Variants in C1QTNF4 observed in about 807,000 individuals in gnomAD.
C1QTNF4 encodes complement C1q tumor necrosis factor-related protein 4.
A neutral mutation model predicts 14.6 loss-of-function variants in C1QTNF4; 12 were observed. The observed-to-expected ratio is 0.82, with a 90% CI of 0.53 to 1.33. The LOEUF is 1.33. Among genes scored for constraint, C1QTNF4 ranks in the 40% most tolerant of loss-of-function variants. The pLI is 0.00. For missense variants in C1QTNF4, 558 were observed against 500.3 expected, an observed-to-expected ratio of 1.12 and a Z score of -1.10; for synonymous variants, 278 against 246.6, an observed-to-expected ratio of 1.13 and a Z score of -1.19.
intron 1 of C1QTNF4, among the ~76,000 whole-genome samples, chr11:47,591,081 T>A (rs2097275384): frequency 6.6e-6 from 1 of 152,134 alleles, no homozygotes; most frequent in Non-Finnish European, 1.5e-5. Flanking sequence ...ATTTCTTTGT[T>A]TTGTTTGTTT....
chr11:47,592,088 A>G (rs1318438274), intron 1 of C1QTNF4, among the ~76,000 whole-genome samples: 1 of 152,198 alleles, frequency 6.6e-6, no homozygotes, highest in Non-Finnish European at 1.5e-5. Flanking sequence ...AAATCAGAGT[A>G]AAAGAGAAGG....
chr11:47,590,511 C>T lies in C1QTNF4; in HGVS notation c.300G>A (p.Glu100=). Residue 100 remains glutamate (E), a synonymous_variant, in exon 2 of 2, where the codon GAG becomes GAA. Coordinates refer to ENST00000302514, the MANE Select transcript of C1QTNF4 (RefSeq NM_031909.3). ...GCTCGTCGAAGGCCAGCGCCTGCAC[C>T]TCGTCGCGGTTTCGCACCAGCATCA... ...LSVMLVRNRD[E]VQALAFDEQR... is the part of the protein sequence containing the mutation. The T allele has an allele frequency of 1.3e-6, 2 of 1,573,250 alleles. No individual in the cohort carries two copies. Among genetic ancestry groups the T allele is most frequent in the South Asian group, 1.2e-5 (1 of 86,182 alleles).
Position 47,589,670 on chromosome 11 carries a change from G to T in C1QTNF4, c.*151C>A. On this transcript the variant is annotated 3_prime_UTR_variant, in exon 2 of 2. Coordinates refer to ENST00000302514, the MANE Select transcript of C1QTNF4 (RefSeq NM_031909.3). ...CAGTCAAGACAGCGCAGGGGCCTGG[G>T]CTGCCGGGCGCTGCGCGTGCCCGCT... 1.4e-6 allele frequency: 1 copy of T among 719,472 alleles called. No homozygotes were observed. Among genetic ancestry groups the T allele is most frequent in the Non-Finnish European group, 2.1e-6 (1 of 477,362 alleles). The allele number at this position is 719,472 out of a possible 1,614,324, so 44.6% of individuals were successfully genotyped here.
intron 1 of C1QTNF4, among the ~76,000 whole-genome samples, chr11:47,591,166 C>A (rs539475569): frequency 6.6e-6 from 1 of 152,262 alleles, no homozygotes; most frequent in East Asian, 1.9e-4. Flanking sequence ...GCAACCTCCA[C>A]CTCCCGGGTT....
intron 1 of C1QTNF4, 49 bp downstream of exon 1, chr11:47,594,099 C>A (rs1389257852): frequency 6.6e-6 from 1 of 152,206 alleles, no homozygotes; most frequent in Non-Finnish European, 1.5e-5. Flanking sequence ...GCCCTCGCTT[C>A]CAGTAAAGGG....
intron 1 of C1QTNF4, among the ~76,000 whole-genome samples, chr11:47,591,549 C>G (rs1209855751): frequency 6.6e-6 from 1 of 151,896 alleles, no homozygotes; most frequent in Non-Finnish European, 1.5e-5. Context: ...CCCAGCACAC[C>G]CAGCTAATTT....
In C1QTNF4 at chr11:47,590,352, G is replaced by C; in HGVS notation, c.459C>G (p.Gly153=). The C allele has an allele frequency of 7.3e-7, 1 of 1,364,830 alleles. No individual in the cohort carries two copies. The highest frequency in any genetic ancestry group is 9.4e-7 in the Non-Finnish European group (1 of 1,066,918). The allele number at this position is 1,364,830 out of a possible 1,614,324, so 84.5% of individuals were successfully genotyped here. ...ALGAPGATFS[G]YLVYADADAD... is the part of the protein sequence containing the mutation. ...CGTCGGCGTCGGCGTAGACTAGGTA[G>C]CCGCTGAAGGTGGCGCCGGGCGCGC... is the stretch of plus-strand genomic sequence containing the variant. The change falls in exon 2 of 2, where the codon GGC becomes GGG. Residue 153 remains glycine (G), a synonymous_variant. Coordinates refer to ENST00000302514, the MANE Select transcript of C1QTNF4 (RefSeq NM_031909.3).
In C1QTNF4 at chr11:47,590,362, GT is replaced by G; in HGVS notation, c.448del (p.Thr150ProfsTer6). The G allele has an allele frequency of 7.3e-7, 1 of 1,377,834 alleles. No homozygotes were observed. Among genetic ancestry groups the G allele is most frequent in the East Asian group, 3.1e-5 (1 of 32,278 alleles). The allele number at this position is 1,377,834 out of a possible 1,614,324, so 85.4% of individuals were successfully genotyped here. A position where few individuals can be genotyped will look rare whatever the true frequency, so the allele number is the denominator to read the frequency against. ...PQYALGAPGATFSGYLVYADA... is the reference protein window; with the variant it reads ...PQYALGAPGAXFSGYLVYADA... ...GGCGTAGACTAGGTAGCCGCTGAAGGTGGCGCCGGGCGCGCCTAGCGCGTAC... is the reference window on the plus strand; with the variant it reads ...GGCGTAGACTAGGTAGCCGCTGAAGGGGCGCCGGGCGCGCCTAGCGCGTAC... On this transcript the variant is annotated frameshift_variant, in exon 2 of 2. Transcript: ENST00000302514. LOFTEE classifies it high-confidence loss of function.
chr11:47,593,336 A>G (rs2097276514), intron 1 of C1QTNF4, among the ~76,000 whole-genome samples: 2 of 152,232 alleles, frequency 1.3e-5, no homozygotes, highest in South Asian at 4.1e-4. Context: ...AGGGTGAGGA[A>G]GACAGAAAGC....
rs759933879 is a variant in C1QTNF4, at chr11:47,590,761, AGGGCCCAGCAGGCCGCT to A, written c.33_49del (p.Ala12GlyfsTer10). On this transcript the variant is annotated frameshift_variant, in exon 2 of 2. Transcript: ENST00000302514. LOFTEE classifies it high-confidence loss of function. ...GGATCCCGGGCCGGGGGTCGGGCCC[AGGGCCCAGCAGGCCGCT>A]GGGCCCAGCAGGCCCAGCAGAAGCG... 718 of 1,572,040 alleles carry A rather than the reference AGGGCCCAGCAGGCCGCT, an allele frequency of 4.6e-4. No homozygotes were observed. Among genetic ancestry groups the A allele is most frequent in the Admixed American group, 1.3e-3 (68 of 51,274 alleles).
In C1QTNF4 at chr11:47,590,538, C is replaced by T. The variant is rs1439175430; in HGVS notation, c.273G>A (p.Ser91=). The change falls in exon 2 of 2, where the codon TCG becomes TCA. Residue 91 remains serine, a synonymous_variant. Transcript: ENST00000302514. ...CGTCGCGGTTTCGCACCAGCATCAC[C>T]GACAGGCTCTTGTGCGGGGCCTTGC... ...TAGKAPHKSL[S]VMLVRNRDEV... The T allele has an allele frequency of 3.8e-6, 6 of 1,597,594 alleles. No homozygotes were observed. The highest frequency in any genetic ancestry group is 5.1e-6 in the Non-Finnish European group (6 of 1,173,376).
chr11:47,590,741 C>G lies in C1QTNF4; in HGVS notation c.70G>C (p.Gly24Arg). The G allele has an allele frequency of 6.2e-7, 1 of 1,604,542 alleles. No individual in the cohort carries two copies. Among genetic ancestry groups the G allele is most frequent in the Non-Finnish European group, 8.5e-7 (1 of 1,176,384 alleles). ...CWALGPTPGP[G>R]SSELRSAFSA... ...AAGGCCGAGCGCAGCTCAGAGGATC[C>G]CGGGCCGGGGGTCGGGCCCAGGGCC... is the stretch of plus-strand genomic sequence containing the variant. Residue 24 changes from glycine (G) to arginine (R), a missense_variant, in exon 2 of 2, where the codon GGA becomes CGA. Coordinates refer to ENST00000302514, the MANE Select transcript of C1QTNF4 (RefSeq NM_031909.3).
Position 47,589,944 on chromosome 11 carries a change from G to T in C1QTNF4, c.867C>A (p.His289Gln). The change falls in exon 2 of 2, where the codon CAC (histidine) becomes CAA (glutamine). Residue 289 changes from histidine (H) to glutamine (Q), a missense_variant. Coordinates refer to ENST00000302514, the MANE Select transcript of C1QTNF4 (RefSeq NM_031909.3). ...RRGDAVWLLS[H>Q]DHDGYGAYSN... is the part of the protein sequence containing the mutation. ...TGTAGGCGCCGTAGCCGTCGTGGTC[G>T]TGGCTGAGCAGCCAGACGGCGTCGC... The T allele has an allele frequency of 6.2e-7, 1 of 1,609,650 alleles. No homozygotes were observed. The highest frequency in any genetic ancestry group is 8.5e-7 in the Non-Finnish European group (1 of 1,177,884).
chr11:47,590,762 G>GCA lies in C1QTNF4; in HGVS notation c.48_49insTG (p.Leu17CysfsTer33), dbSNP rs1319688202. Reference sequence around the variant, plus strand: ...GATCCCGGGCCGGGGGTCGGGCCCAGGGCCCAGCAGGCCGCTGGGCCCAGC... The same window carrying GCA: ...GATCCCGGGCCGGGGGTCGGGCCCAGCAGGCCCAGCAGGCCGCTGGGCCCAGC... On this transcript the variant is annotated frameshift_variant, in exon 2 of 2. Transcript: ENST00000302514. LOFTEE classifies it high-confidence loss of function. 6.4e-7 allele frequency: 1 copy of GCA among 1,571,424 alleles called. No individual in the cohort carries two copies. Among genetic ancestry groups the GCA allele is most frequent in the East Asian group, 2.3e-5 (1 of 43,150 alleles).
intron 1 of C1QTNF4, 88 bp from the exon 2 acceptor site, chr11:47,590,903 T>A (rs1273467604): frequency 2.1e-6 from 3 of 1,426,342 alleles, no homozygotes; most frequent in Non-Finnish European, 2.7e-6. Flanking sequence ...AAGGGTTCTC[T>A]TCCCAGCCCT....
intron 1 of C1QTNF4, among the ~76,000 whole-genome samples, chr11:47,593,025 C>A (rs1314999634): frequency 6.6e-6 from 1 of 152,176 alleles, no homozygotes; most frequent in Non-Finnish European, 1.5e-5. Context: ...GAAGATGGCA[C>A]CTCACAAGTG....
In C1QTNF4 at chr11:47,590,887, G is replaced by A. The variant is rs1309698277; in HGVS notation, c.-5-72C>T. Reference sequence around the variant, plus strand: ...CTTCCAAACGCCCGGCTCTCCACCGGGAGACAAGGGTTCTCTTCCCAGCCC... The same window carrying A: ...CTTCCAAACGCCCGGCTCTCCACCGAGAGACAAGGGTTCTCTTCCCAGCCC... On this transcript the variant is annotated intron_variant, in intron 1 of 1. Coordinates refer to ENST00000302514, the MANE Select transcript of C1QTNF4 (RefSeq NM_031909.3). The A allele has an allele frequency of 2.8e-6, 4 of 1,430,172 alleles. No individual in the cohort carries two copies. The East Asian group carries it at 7.6e-5, about 27-fold the overall frequency. 88.6% of individuals were successfully genotyped at this position (1,430,172 alleles called of 1,614,324 possible).
At chr11:47,592,181 G>A (rs868315711) in intron 1 of C1QTNF4, among the ~76,000 whole-genome samples, 28 of 152,220 alleles carry the variant, frequency 1.8e-4, no homozygotes, top group Non-Finnish European at 1.2e-4. Flanking sequence ...GACAGGGACA[G>A]CAACAATTCC....
In C1QTNF4 at chr11:47,590,030, C is replaced by G. The variant is rs547659152; in HGVS notation, c.781G>C (p.Asp261His). ...ATCTCGCGGCGCCGCGACGCGCCGT[C>G]GTCGTAAATCATGGCCTGCACCTCG... ...RDEVQAMIYDDGASRRREMQS... is the reference protein window; with the variant it reads ...RDEVQAMIYDHGASRRREMQS... The change falls in exon 2 of 2, where the codon GAC becomes CAC. Residue 261 changes from aspartate (D) to histidine (H), a missense_variant. Physicochemically the swap from Asp to His is moderately conservative, Grantham distance 81. Transcript: ENST00000302514. 2 of 1,612,204 alleles carry G rather than the reference C, an allele frequency of 1.2e-6. No homozygotes were observed. The highest frequency in any genetic ancestry group is 2.2e-5 in the East Asian group (1 of 44,750).
Sources: gnomAD v4.1 joint callset for allele counts (sites outside exome capture counted in the v4.1 genomes callset) on GRCh38, gnomAD v4.1.1 for gene constraint, MANE v1.5 for transcripts, NCBI Gene and HGNC (gene_info 2026-07-23, HGNC 2026-07-21) for gene names.